TRDN: variants seen among roughly 807,000 people sequenced by gnomAD.
TRDN encodes the protein triadin, also known as triadin in skeletal muscle.
A neutral mutation model predicts 149.7 loss-of-function variants in TRDN; 161 were observed. The observed-to-expected ratio is 1.08, with a 90% confidence interval of 0.95 to 1.23. The LOEUF is 1.23. Among genes scored for constraint, TRDN ranks in the 50% most tolerant of loss-of-function variants. The pLI, the probability that TRDN is intolerant of heterozygous loss-of-function variation, is 0.00. For synonymous variants in TRDN, 294 were observed against 250.5 expected (o/e 1.17, Z -1.64); for missense variants, 896 against 823.5 (o/e 1.09, Z -1.08).
At chr6:123,334,875 T>A (rs1779804590) in intron 22 of TRDN, among the ~76,000 whole-genome samples, 1 of 152,068 alleles carries the variant, frequency 6.6e-6, no homozygotes, top group East Asian at 1.9e-4. Context: ...ACTTGAAGCA[T>A]CATTTTAAAA....
intron 21 of TRDN, among the ~76,000 whole-genome samples, chr6:123,345,950 T>G (rs1189190970): frequency 6.6e-6 from 1 of 152,062 alleles, no homozygotes; most frequent in Non-Finnish European, 1.5e-5. Context: ...TTTTGGAATT[T>G]TCTACATAAA....
At chr6:123,273,043 G>T in intron 28 of TRDN, 32 bp from the exon 29 acceptor site, 1 of 1,404,960 alleles carries the variant, frequency 7.1e-7, no homozygotes, top group African/African-American at 1.5e-5. Flanking sequence ...TCTTTTTTAG[G>T]TATTTAGAAG....
intron 10 of TRDN, among the ~76,000 whole-genome samples, chr6:123,453,803 G>T (rs535381071): frequency 6.6e-6 from 1 of 151,948 alleles, no homozygotes; most frequent in Non-Finnish European, 1.5e-5. Flanking sequence ...GATTGAACAC[G>T]CATGTTTATA....
chr6:123,488,578 C>T (rs1583132057), intron 9 of TRDN, among the ~76,000 whole-genome samples: 1 of 152,146 alleles, frequency 6.6e-6, no homozygotes. Flanking sequence ...TCTGTGATAG[C>T]TCTAAAAGTA....
At chr6:123,441,971 T>A (rs1774916830) in intron 10 of TRDN, 1 of 152,204 alleles carries the variant, frequency 6.6e-6, no homozygotes, top group African/African-American at 2.4e-5. Flanking sequence ...CATTCCAACA[T>A]ACCTCATCAC....
intron 14 of TRDN, among the ~76,000 whole-genome samples, chr6:123,386,447 C>T (rs1168793981): frequency 6.6e-6 from 1 of 152,166 alleles, no homozygotes; most frequent in African/African-American, 2.4e-5. Context: ...GTGAGAATAT[C>T]AGATAACAGC....
chr6:123,544,264 C>T (rs1390506739), intron 4 of TRDN, among the ~76,000 whole-genome samples: 3 of 147,166 alleles, frequency 2.0e-5, no homozygotes, highest in African/African-American at 7.6e-5. Flanking sequence ...CACACACACA[C>T]ACACACACAC....
At chr6:123,403,279 A>G (rs1773056924) in intron 12 of TRDN, among the ~76,000 whole-genome samples, 1 of 152,178 alleles carries the variant, frequency 6.6e-6, no homozygotes, top group Admixed American at 6.5e-5. Flanking sequence ...CCTGGAAACC[A>G]TTGTGGATAT....
chr6:123,551,220 A>ATATATATATATATATATATATATATC (rs1554256513), intron 2 of TRDN, among the ~76,000 whole-genome samples: 1 of 129,182 alleles, frequency 7.7e-6, no homozygotes, highest in Non-Finnish European at 1.7e-5. Flanking sequence ...ATATATATAT[A>ATATATATATATATATATATATATATC]TATTGCCTGG....
At chr6:123,275,781 A>G (rs1488988905) in intron 26 of TRDN, among the ~76,000 whole-genome samples, 1 of 152,170 alleles carries the variant, frequency 6.6e-6, no homozygotes, top group Non-Finnish European at 1.5e-5. Flanking sequence ...GCTCAGAAAG[A>G]ACTCAAGAGA....
intron 7 of TRDN, among the ~76,000 whole-genome samples, chr6:123,510,756 G>A (rs7454515): frequency 0.83 from 126,210 of 151,692 alleles, 52,707 homozygotes; most frequent in East Asian, 0.88. Flanking sequence ...GTATTCTCCT[G>A]TCTCAGCCTT....
intron 26 of TRDN, among the ~76,000 whole-genome samples, chr6:123,274,872 C>A (rs936975924): frequency 2.0e-5 from 3 of 150,238 alleles, no homozygotes; most frequent in East Asian, 2.0e-4. Context: ...GACTCCGTTT[C>A]AAAAAAAAAC....
chr6:123,419,240 T>C (rs1048186124), intron 12 of TRDN, among the ~76,000 whole-genome samples: 1 of 152,014 alleles, frequency 6.6e-6, no homozygotes, highest in African/African-American at 2.4e-5. Flanking sequence ...TCAGAAGGAA[T>C]TTGCCTATAA....
chr6:123,264,253 A>G (rs1776864121), intron 33 of TRDN, among the ~76,000 whole-genome samples: 2 of 152,036 alleles, frequency 1.3e-5, no homozygotes, highest in Non-Finnish European at 2.9e-5. Context: ...AACATTTTTG[A>G]CTCATGAGAG....
At chr6:123,466,589 C>G (rs190241072) in intron 9 of TRDN, among the ~76,000 whole-genome samples, 1 of 151,496 alleles carries the variant, frequency 6.6e-6, no homozygotes, top group African/African-American at 2.4e-5. Context: ...AGGAGTGAAG[C>G]CTCTACTCTA....
At position 123,248,327 on chromosome 6, in the gene TRDN, C is replaced by A. The variant is rs140659015; in HGVS notation, c.1975+4085G>T. Reference sequence around the variant, plus strand: ...ATCCCAGCACTTTGGGAGGCTGAGGCGTGTGGATCACCTGAGGTCAGGAGT... The same window carrying A: ...ATCCCAGCACTTTGGGAGGCTGAGGAGTGTGGATCACCTGAGGTCAGGAGT... On this transcript the variant is annotated intron_variant, in intron 38 of 40. Transcript: ENST00000334268. Among the ~76,000 whole-genome samples the A allele has an allele frequency of 3.6e-3, 544 of 152,124 alleles. 21 individuals carry two copies. The highest frequency in any genetic ancestry group is 0.031 in the Admixed American group (479 of 15,266).
At chr6:123,265,501 A>G (rs1187666091) in intron 32 of TRDN, among the ~76,000 whole-genome samples, 163 bp from the exon 33 acceptor site, 2 of 151,448 alleles carry the variant, frequency 1.3e-5, no homozygotes, top group Non-Finnish European at 3.0e-5. Flanking sequence ...TAATTTTCAT[A>G]TCATACTCCC....
In TRDN at chr6:123,502,032, A is replaced by T. The variant is rs75596891; in HGVS notation, c.793+1687T>A. On this transcript the variant is annotated intron_variant, in intron 8 of 40. Transcript: ENST00000334268. ...TCCTAGTTGTTAGATAAGTATTTTG[A>T]CATTTCCAAATATAACTGGCATCAA... 4.1e-4 allele frequency: 401 copies of T among 984,266 alleles called. 5 individuals are homozygous for T. In the African/African-American group the frequency reaches 6.7e-3, roughly 16 times the overall value. 61.0% of individuals were successfully genotyped at this position (984,266 alleles called of 1,614,324 possible).
chr6:123,218,456 A>G lies in TRDN; in HGVS notation c.*145T>C. 1 of 888,876 alleles carries G rather than the reference A, an allele frequency of 1.1e-6. No homozygotes were observed. The highest frequency in any genetic ancestry group is 1.7e-6 in the Non-Finnish European group (1 of 600,894). The allele number at this position is 888,876 out of a possible 1,614,324, so 55.1% of individuals were successfully genotyped here. A position where few individuals can be genotyped will look rare whatever the true frequency, so the allele number is the denominator to read the frequency against. On this transcript the variant is annotated 3_prime_UTR_variant, in exon 41 of 41. Coordinates refer to ENST00000334268, the MANE Select transcript of TRDN (RefSeq NM_006073.4). ...TGCTCATCACTCAATCCATTTGGCC[A>G]CCCTTTCCGTCCACACCAGGCCAAA...
Sources: allele counts gnomAD v4.1 joint callset (sites outside exome capture counted in the v4.1 genomes callset), GRCh38; gene constraint gnomAD v4.1.1; transcripts MANE v1.5; gene names NCBI Gene and HGNC (gene_info 2026-07-23, HGNC 2026-07-21).